The following TMEM51 variants were observed in gnomAD, a reference collection of about 807,000 sequenced individuals.
The protein encoded by TMEM51 is transmembrane protein 51.
A neutral mutation model predicts 13.6 loss-of-function variants in TMEM51; 8 were observed. The observed-to-expected ratio is 0.59, with a 90% confidence interval of 0.35 to 1.07. The LOEUF is 1.07. Among genes scored for constraint, TMEM51 ranks in the 50% least tolerant of loss-of-function variants. TMEM51 has a pLI of 0.02. For missense variants in TMEM51, 279 were observed against 330.7 expected (o/e 0.84, Z 1.21); for synonymous variants, 147 against 144.4 (o/e 1.02, Z -0.13).
chr1:15,211,631 G>A (rs935658279), intron 2 of TMEM51, among the ~76,000 whole-genome samples: 2 of 152,124 alleles, frequency 1.3e-5, no homozygotes, highest in African/African-American at 4.8e-5. Context: ...ACACAGCTGT[G>A]AAGGAATAGA....
chr1:15,220,388 A>G lies in TMEM51; in HGVS notation c.*645A>G, dbSNP rs893032862. The G allele has an allele frequency of 6.3e-4, 95 of 151,704 alleles. No individual in the cohort carries two copies. The highest frequency in any genetic ancestry group is 2.3e-3 in the African/African-American group (93 of 41,084). The allele number at this position is 151,704 out of a possible 1,614,324, so 9.4% of individuals were successfully genotyped here. Reference sequence around the variant, plus strand: ...TTCTGTGTAACAGCAAAAAAAAAAAAAAAAAGAAGAAGAAAGAAAACTGTA... The same window carrying G: ...TTCTGTGTAACAGCAAAAAAAAAAAGAAAAAGAAGAAGAAAGAAAACTGTA... On this transcript the variant is annotated 3_prime_UTR_variant, in exon 4 of 4. Coordinates refer to ENST00000376008, the MANE Select transcript of TMEM51 (RefSeq NM_001136218.2).
chr1:15,157,837 A>T (rs569135541), intron 1 of TMEM51, among the ~76,000 whole-genome samples: 101 of 152,308 alleles, frequency 6.6e-4, no homozygotes, highest in Admixed American at 1.1e-3. Flanking sequence ...ATTACAAAAG[A>T]AGTAGGTGCT....
chr1:15,191,803 G>T, intron 1 of TMEM51: 5 of 351,858 alleles, frequency 1.4e-5, no homozygotes, highest in Non-Finnish European at 1.7e-5. Context: ...CAATATTTTT[G>T]AGAGCTGATG....
intron 2 of TMEM51, among the ~76,000 whole-genome samples, chr1:15,213,842 T>G (rs559432043): frequency 6.4e-4 from 97 of 152,112 alleles, no homozygotes; most frequent in African/African-American, 2.1e-3. Flanking sequence ...ACATTGACTC[T>G]GCAAACTTTT....
In TMEM51 at chr1:15,164,827, G is replaced by A. The variant is rs1373788073; in HGVS notation, c.-267+10873G>A. Among the ~76,000 whole-genome samples the A allele has an allele frequency of 4.3e-5, 6 of 139,998 alleles. No homozygotes were observed. The East Asian group carries it at 6.3e-4, about 15-fold the overall frequency. The allele number at this position is 139,998 out of a possible 152,430, so 91.8% of individuals were successfully genotyped here. A position where few individuals can be genotyped will look rare whatever the true frequency, so the allele number is the denominator to read the frequency against. On this transcript the variant is annotated intron_variant, in intron 1 of 3. Transcript: ENST00000376008. ...TTTTCCTTTTTTTTTTTTTTGAGAC[G>A]GAGTCTCGCTCTGTCGCCAGGCCAG...
chr1:15,183,183 G>A (rs189479128), intron 1 of TMEM51, among the ~76,000 whole-genome samples: 1 of 152,288 alleles, frequency 6.6e-6, no homozygotes, highest in East Asian at 1.9e-4. Flanking sequence ...AACAGATTCT[G>A]AATCCAAGAT....
At chr1:15,181,228 G>C (rs10927699) in intron 1 of TMEM51, among the ~76,000 whole-genome samples, 46,569 of 152,114 alleles carry the variant, frequency 0.31, 7,463 homozygotes, top group Middle Eastern at 0.4. Context: ...AAGGCATATA[G>C]AACGGCACCC....
At chr1:15,186,356 T>A (rs916536544) in intron 1 of TMEM51, among the ~76,000 whole-genome samples, 1 of 152,082 alleles carries the variant, frequency 6.6e-6, no homozygotes, top group Non-Finnish European at 1.5e-5. Context: ...GCCTGGTGGG[T>A]ACAGTGAGGA....
chr1:15,201,916 C>A (rs1282365152), intron 1 of TMEM51, among the ~76,000 whole-genome samples: 1 of 152,124 alleles, frequency 6.6e-6, no homozygotes, highest in African/African-American at 2.4e-5. Flanking sequence ...GACTCGTGGG[C>A]CTGCAGAGGG....
chr1:15,176,763 G>A (rs1040808437), intron 1 of TMEM51, among the ~76,000 whole-genome samples: 4 of 152,206 alleles, frequency 2.6e-5, no homozygotes, highest in Admixed American at 2.6e-4. Flanking sequence ...GGGAGCTGGG[G>A]CTTTATCCTG....
At chr1:15,190,710 T>C (rs1447505019) in intron 1 of TMEM51, among the ~76,000 whole-genome samples, 2 of 152,174 alleles carry the variant, frequency 1.3e-5, no homozygotes, top group African/African-American at 4.8e-5. Context: ...AGGAACATGA[T>C]CCCAGGTTAT....
chr1:15,204,723 G>A (rs1045286590), intron 1 of TMEM51, among the ~76,000 whole-genome samples: 6 of 152,242 alleles, frequency 3.9e-5, no homozygotes, highest in Non-Finnish European at 1.5e-5. Flanking sequence ...AAAATGGACA[G>A]AGGTGGGGAT....
chr1:15,174,711 TG>T (rs966250855), intron 1 of TMEM51, among the ~76,000 whole-genome samples: 1 of 152,190 alleles, frequency 6.6e-6, no homozygotes, highest in African/African-American at 2.4e-5. Flanking sequence ...CTTGAAGTTC[TG>T]GGGGGTGTAG....
chr1:15,172,592 GC>G (rs1450577954), intron 1 of TMEM51, among the ~76,000 whole-genome samples: 4 of 152,150 alleles, frequency 2.6e-5, no homozygotes, highest in African/African-American at 9.7e-5. Context: ...TCCACCACGT[GC>G]CAGCTTTGTG....
intron 1 of TMEM51, among the ~76,000 whole-genome samples, chr1:15,176,528 G>A (rs1316751096): frequency 4.6e-5 from 7 of 152,194 alleles, no homozygotes; most frequent in Non-Finnish European, 8.8e-5. Flanking sequence ...TAGGGGAGGA[G>A]AGAAAGGCAA....
intron 1 of TMEM51, among the ~76,000 whole-genome samples, chr1:15,173,890 A>G (rs1267749383): frequency 6.6e-6 from 1 of 152,230 alleles, no homozygotes; most frequent in African/African-American, 2.4e-5. Flanking sequence ...CATGAGTAGA[A>G]CAAGCTAGTT....
intron 1 of TMEM51, among the ~76,000 whole-genome samples, chr1:15,201,485 C>T (rs981896617): frequency 6.6e-6 from 1 of 151,362 alleles, no homozygotes; most frequent in South Asian, 2.1e-4. Flanking sequence ...ATGTAAGGCA[C>T]CCAGCACTGG....
intron 1 of TMEM51, among the ~76,000 whole-genome samples, chr1:15,186,980 GGCCA>G (rs1275682507): frequency 1.3e-5 from 2 of 152,274 alleles, no homozygotes; most frequent in African/African-American, 4.8e-5. Context: ...AATGCGAGGT[GGCCA>G]GCATGTGTCC....
chr1:15,179,399 G>A (rs1643544194), intron 1 of TMEM51, among the ~76,000 whole-genome samples: 1 of 152,156 alleles, frequency 6.6e-6, no homozygotes, highest in Admixed American at 6.5e-5. Flanking sequence ...TACTCAGCAA[G>A]TTAAAGGAAG....
Sources: allele counts gnomAD v4.1 joint callset (sites outside exome capture counted in the v4.1 genomes callset), GRCh38; gene constraint gnomAD v4.1.1; transcripts MANE v1.5; gene names NCBI Gene and HGNC (gene_info 2026-07-23, HGNC 2026-07-21).